KDM2B: variants seen among roughly 807,000 people sequenced by gnomAD.
KDM2B encodes the protein lysine-specific demethylase 2B.
A neutral mutation model predicts 150.0 loss-of-function variants in KDM2B; 26 were observed. The ratio of observed to expected loss-of-function variants is 0.17; its 90% CI spans 0.13 to 0.24. The LOEUF (loss-of-function observed/expected upper bound fraction) is 0.24, where lower values mean the gene tolerates loss of function less well. KDM2B is among the 10% of genes least tolerant of loss of function. The pLI, the probability that KDM2B is intolerant of heterozygous loss-of-function variation, is 1.00. For missense variants in KDM2B, 1,265 were observed against 1,816.9 expected (o/e 0.70, Z 5.52); for synonymous variants, 734 against 729.5 (o/e 1.01, Z -0.10).
chr12:121,459,024 T>C (rs1284682882), intron 12 of KDM2B, among the ~76,000 whole-genome samples: 1 of 149,518 alleles, frequency 6.7e-6, no homozygotes, highest in Non-Finnish European at 1.5e-5. Context: ...AGGCAGAGGT[T>C]GTAGTGAGCC....
chr12:121,446,905 G>A (rs543896754), intron 13 of KDM2B, among the ~76,000 whole-genome samples: 1 of 152,198 alleles, frequency 6.6e-6, no homozygotes, highest in East Asian at 1.9e-4. Flanking sequence ...CTAACTCAGG[G>A]AGCCAATATT....
downstream of KDM2B, among the ~76,000 whole-genome samples, chr12:121,427,161 T>A (rs1462152460): frequency 6.6e-6 from 1 of 152,222 alleles, no homozygotes. Flanking sequence ...GGTCCTTTCA[T>A]TACTTCATCA....
At chr12:121,412,333 G>A in the KDM2B span, among the ~76,000 whole-genome samples, 5 of 148,540 alleles carry the variant, frequency 3.4e-5, no homozygotes, top group East Asian at 2.0e-4. Flanking sequence ...TCTGCCTCCC[G>A]GGTTCACGCC....
intron 1 of KDM2B, chr12:121,579,988 G>GC: frequency 7.5e-7 from 1 of 1,324,658 alleles, no homozygotes; most frequent in Non-Finnish European, 1.0e-6. Context: ...ATACAGATTT[G>GC]GAAAAAAAAA....
At chr12:121,418,131 A>G in the KDM2B span, 10 of 554,874 alleles carry the variant, frequency 1.8e-5, no homozygotes, top group Admixed American at 1.0e-4. Flanking sequence ...AGGGTCCCAA[A>G]ATAGCTCATC....
intron 4 of KDM2B, among the ~76,000 whole-genome samples, chr12:121,570,136 G>C (rs1237379624): frequency 2.6e-5 from 4 of 151,958 alleles, no homozygotes; most frequent in Non-Finnish European, 4.4e-5. Context: ...TGCAACCTCT[G>C]CCTCCAGGGT....
At chr12:121,426,590 C>CATA (rs1481762377), downstream of KDM2B, among the ~76,000 whole-genome samples, 20 of 150,150 alleles carry the variant, frequency 1.3e-4, no homozygotes, top group African/African-American at 4.4e-4. Flanking sequence ...GCATATAATG[C>CATA]ATACCACCAT....
intron 12 of KDM2B, among the ~76,000 whole-genome samples, chr12:121,474,664 C>T (rs1433154874): frequency 1.3e-5 from 2 of 152,004 alleles, no homozygotes; most frequent in East Asian, 3.9e-4. Flanking sequence ...TGCTTAGATA[C>T]AAAAATAGCT....
intron 8 of KDM2B, among the ~76,000 whole-genome samples, chr12:121,524,447 G>T (rs1447107788): frequency 6.6e-6 from 1 of 152,206 alleles, no homozygotes. Context: ...AGCTGCTGCT[G>T]CGAGGAGGGG....
chr12:121,501,366 G>A (rs1044952435), intron 11 of KDM2B, among the ~76,000 whole-genome samples: 2 of 152,084 alleles, frequency 1.3e-5, no homozygotes, highest in Non-Finnish European at 2.9e-5. Flanking sequence ...CTGTGCCACA[G>A]AGCAAGACTC....
chr12:121,464,802 G>C (rs1879634964), intron 12 of KDM2B, among the ~76,000 whole-genome samples: 1 of 152,238 alleles, frequency 6.6e-6, no homozygotes, highest in Admixed American at 6.5e-5. Flanking sequence ...CAGAGGTACA[G>C]AGAAACTTCG....
At chr12:121,548,593 CCGATGCAGAGG>C (rs1238206905) in intron 6 of KDM2B, among the ~76,000 whole-genome samples, 3 of 152,218 alleles carry the variant, frequency 2.0e-5, no homozygotes, top group Non-Finnish European at 4.4e-5. Context: ...GACACACACA[CCGATGCAGAGG>C]CGTCTGCCAT....
At chr12:121,417,487 T>C in the KDM2B span, 2 of 1,598,862 alleles carry the variant, frequency 1.3e-6, no homozygotes, top group Non-Finnish European at 1.7e-6. This position sits in a 1 kb window ranked among gnomAD's most constrained non-coding sequence, Gnocchi z 5.0. Flanking sequence ...TGTCATCAAA[T>C]GCTTTTCTTT....
chr12:121,415,314 GGAAAT>G, the KDM2B span: 4 of 378,910 alleles, frequency 1.1e-5, no homozygotes, highest in Non-Finnish European at 5.7e-6. Flanking sequence ...AGAGGTTTAA[GGAAAT>G]GAAGTAATTT....
upstream of KDM2B, among the ~76,000 whole-genome samples, chr12:121,582,006 C>T (rs1891984270): frequency 6.6e-6 from 1 of 152,200 alleles, no homozygotes; most frequent in South Asian, 2.1e-4. Context: ...AGGGATGAGG[C>T]TGGGAAACAT....
intron 4 of KDM2B, among the ~76,000 whole-genome samples, chr12:121,558,964 G>A (rs1175420576): frequency 6.6e-6 from 1 of 152,114 alleles, no homozygotes. Flanking sequence ...CACCCTCTTG[G>A]CCTCCGCTAC....
chr12:121,426,064 T>C (rs918929697), downstream of KDM2B, among the ~76,000 whole-genome samples: 2 of 152,206 alleles, frequency 1.3e-5, no homozygotes, highest in African/African-American at 2.4e-5. Flanking sequence ...AATCTTAACA[T>C]TTCCTCCAAA....
chr12:121,439,602 G>A (rs1305711320), intron 22 of KDM2B, among the ~76,000 whole-genome samples: 1 of 151,868 alleles, frequency 6.6e-6, no homozygotes, highest in Non-Finnish European at 1.5e-5. Context: ...GGCTAGTCTC[G>A]AACTCCTGTC....
At chr12:121,539,832 C>T (rs782623216) in intron 6 of KDM2B, among the ~76,000 whole-genome samples, 3 of 152,134 alleles carry the variant, frequency 2.0e-5, no homozygotes, top group East Asian at 3.9e-4. Flanking sequence ...CTCCAACTCC[C>T]GAGTTTAAGA....
Sources: gnomAD v4.1 joint callset for allele counts (sites outside exome capture counted in the v4.1 genomes callset) on GRCh38, gnomAD v4.1.1 for gene constraint, Gnocchi (gnomAD v3.1) non-coding constraint, MANE v1.5 for transcripts, NCBI Gene and HGNC (gene_info 2026-07-23, HGNC 2026-07-21) for gene names.